Variants in PLAAT3 observed in about 807,000 individuals in gnomAD.
PLAAT3 encodes the protein Ca-independent phospholipase A1/2.
PLAAT3 carries 21 observed loss-of-function variants against 16.7 expected under a neutral mutation model. The ratio of observed to expected loss-of-function variants is 1.26; its 90% CI spans 0.89 to 1.81. The LOEUF (loss-of-function observed/expected upper bound fraction) is 1.81. Among genes scored for constraint, PLAAT3 ranks in the 40% most tolerant of loss-of-function variants. The pLI, the probability that PLAAT3 is intolerant of heterozygous loss-of-function variation, is 0.00. For missense variants in PLAAT3, 219 were observed against 213.7 expected (o/e 1.02, Z -0.16); for synonymous variants, 76 against 81.7 (o/e 0.93, Z 0.38).
intron 2 of PLAAT3, among the ~76,000 whole-genome samples, chr11:63,606,425 AAC>A (rs34044017): frequency 0.28 from 38,552 of 139,990 alleles, 5,414 homozygotes; most frequent in East Asian, 0.51. Flanking sequence ...TCTACTATAA[AAC>A]ACACACACAC....
chr11:63,580,260 C>T (rs897014553), intron 4 of PLAAT3, among the ~76,000 whole-genome samples: 2 of 152,166 alleles, frequency 1.3e-5, no homozygotes, highest in East Asian at 1.9e-4. Context: ...AAAAGGTGTC[C>T]ATGTCCTAAT....
intron 4 of PLAAT3, among the ~76,000 whole-genome samples, chr11:63,578,959 T>C (rs1197343982): frequency 6.6e-6 from 1 of 152,146 alleles, no homozygotes; most frequent in African/African-American, 2.4e-5. Flanking sequence ...GAGAAAATTT[T>C]TCCAATCTAC....
chr11:63,584,352 T>C (rs1010992417), intron 4 of PLAAT3, among the ~76,000 whole-genome samples: 2 of 151,618 alleles, frequency 1.3e-5, no homozygotes, highest in Non-Finnish European at 2.9e-5. Context: ...TACTAAAATA[T>C]ATGTTTTTTG....
intron 3 of PLAAT3, among the ~76,000 whole-genome samples, chr11:63,597,513 A>G (rs1938320630): frequency 1.3e-5 from 2 of 152,252 alleles, no homozygotes; most frequent in African/African-American, 4.8e-5. Context: ...GTGACAGAGC[A>G]AGACTCTGTC....
intron 2 of PLAAT3, among the ~76,000 whole-genome samples, chr11:63,602,576 T>C (rs1225141823): frequency 6.6e-6 from 1 of 151,718 alleles, no homozygotes; most frequent in African/African-American, 2.4e-5. Flanking sequence ...AAGCTAAGAA[T>C]GGTTTGTACT....
chr11:63,603,069 GGCAACA>G (rs71468637), intron 2 of PLAAT3, among the ~76,000 whole-genome samples: 2,445 of 152,218 alleles, frequency 0.016, 36 homozygotes, highest in Non-Finnish European at 0.023. Flanking sequence ...CTCCAGCCTG[GGCAACA>G]GAGCAAGACT....
At chr11:63,592,781 G>A (rs1398943787) in intron 3 of PLAAT3, among the ~76,000 whole-genome samples, 1 of 152,236 alleles carries the variant, frequency 6.6e-6, no homozygotes, top group East Asian at 1.9e-4. Context: ...TAAAGGGGTT[G>A]GCCAGAAAAC....
upstream of PLAAT3, among the ~76,000 whole-genome samples, chr11:63,615,262 ATG>A (rs1426362916): frequency 4.0e-5 from 1 of 24,946 alleles, no homozygotes; most frequent in Non-Finnish European, 1.2e-4. Context: ...GTGTATATAT[ATG>A]TGTGTATATA....
intron 2 of PLAAT3, among the ~76,000 whole-genome samples, chr11:63,600,659 G>C (rs1164710140): frequency 2.6e-5 from 4 of 152,126 alleles, no homozygotes; most frequent in Non-Finnish European, 4.4e-5. Flanking sequence ...CTGGAGTGCA[G>C]TGGTGCGATC....
intron 4 of PLAAT3, among the ~76,000 whole-genome samples, chr11:63,586,131 T>TGTGC (rs1299071379): frequency 2.0e-5 from 3 of 151,666 alleles, no homozygotes; most frequent in South Asian, 2.1e-4. Context: ...TGTGTGTGTG[T>TGTGC]GCACGTGTAT....
At chr11:63,582,731 G>A (rs191226123) in intron 4 of PLAAT3, among the ~76,000 whole-genome samples, 1 of 152,228 alleles carries the variant, frequency 6.6e-6, no homozygotes, top group Non-Finnish European at 1.5e-5. Flanking sequence ...TGTGTTTCCT[G>A]ACATTAAACA....
At chr11:63,613,726 C>CCA (rs1938752490) in intron 2 of PLAAT3, among the ~76,000 whole-genome samples, 1 of 2,708 alleles carries the variant, frequency 3.7e-4, no homozygotes, top group Admixed American at 0.038. Flanking sequence ...GACAGACCTG[C>CCA]CCTGGCCACC....
chr11:63,598,072 A>G lies in PLAAT3; in HGVS notation c.107T>C (p.Leu36Pro). ...IYVGDGYVVH[L>P]APPSEVAGAG... ...CCATGTGTTCTTACTTGGAGGGGCC[A>G]GATGAACCACATATCCATCGCCAAC... is the stretch of plus-strand genomic sequence containing the variant. Residue 36 changes from leucine (L) to proline (P), a missense_variant, in exon 3 of 5, where the codon CTG becomes CCG. Transcript: ENST00000415826. 1 of 1,610,920 alleles carries G rather than the reference A, an allele frequency of 6.2e-7. No individual in the cohort carries two copies. Among genetic ancestry groups the G allele is most frequent in the Non-Finnish European group, 8.5e-7 (1 of 1,177,030 alleles).
At chr11:63,582,484 A>G (rs1049550479) in intron 4 of PLAAT3, among the ~76,000 whole-genome samples, 2 of 152,228 alleles carry the variant, frequency 1.3e-5, no homozygotes, top group Non-Finnish European at 2.9e-5. Flanking sequence ...TAATTGGATC[A>G]TGTGGGAAGA....
intron 2 of PLAAT3, among the ~76,000 whole-genome samples, chr11:63,613,662 A>C (rs909989664): frequency 9.9e-6 from 1 of 100,668 alleles, no homozygotes; most frequent in Non-Finnish European, 2.1e-5. Context: ...ATAGCCCCCA[A>C]GGCCTGTCCC....
At chr11:63,576,236 C>G (rs1017569877) in intron 4 of PLAAT3, among the ~76,000 whole-genome samples, 2 of 152,160 alleles carry the variant, frequency 1.3e-5, no homozygotes, top group African/African-American at 4.8e-5. Flanking sequence ...ACCACTGCCC[C>G]TACACCCACC....
At chr11:63,583,331 G>A (rs933439440) in intron 4 of PLAAT3, among the ~76,000 whole-genome samples, 2 of 152,158 alleles carry the variant, frequency 1.3e-5, no homozygotes, top group African/African-American at 4.8e-5. Context: ...CATTTTCCTT[G>A]CTAAGCTCTG....
At chr11:63,604,971 G>A (rs1938519783) in intron 2 of PLAAT3, among the ~76,000 whole-genome samples, 2 of 151,998 alleles carry the variant, frequency 1.3e-5, no homozygotes, top group African/African-American at 2.4e-5. Context: ...TGGGTGCTGG[G>A]GCTAAGCGTG....
chr11:63,608,787 A>G (rs767882229), intron 2 of PLAAT3, among the ~76,000 whole-genome samples: 2 of 152,202 alleles, frequency 1.3e-5, no homozygotes, highest in Non-Finnish European at 2.9e-5. Flanking sequence ...ATTTTCAGAA[A>G]CAGCATAGCG....
Sources: allele counts gnomAD v4.1 joint callset (sites outside exome capture counted in the v4.1 genomes callset), GRCh38; gene constraint gnomAD v4.1.1; transcripts MANE v1.5; gene names NCBI Gene and HGNC (gene_info 2026-07-23, HGNC 2026-07-21).